The following DPP10 variants were observed in gnomAD, a reference collection of about 807,000 sequenced individuals.
The protein encoded by DPP10 is dipeptidyl peptidase like 10, also known as inactive dipeptidyl peptidase 10.
A neutral mutation model predicts 120.9 loss-of-function variants in DPP10; 33 were observed. That is an observed-to-expected ratio of 0.27 (90% CI 0.21 to 0.37). The LOEUF (loss-of-function observed/expected upper bound fraction) is 0.37. Among genes scored for constraint, DPP10 ranks in the 10% least tolerant of loss-of-function variants. DPP10 has a pLI of 1.00. For missense variants in DPP10, 816 were observed against 942.8 expected (o/e 0.87, Z 1.76); for synonymous variants, 337 against 326.1 (o/e 1.03, Z -0.36).
chr2:115,515,108 G>A (rs1014148628), intron 4 of DPP10, among the ~76,000 whole-genome samples: 9 of 151,764 alleles, frequency 5.9e-5, no homozygotes, highest in Admixed American at 1.3e-4. Context: ...TTGTGTAATA[G>A]CACCATAAAG....
intron 2 of DPP10, among the ~76,000 whole-genome samples, chr2:115,337,557 A>G (rs145168195): frequency 4.7e-5 from 7 of 150,436 alleles, no homozygotes; most frequent in African/African-American, 1.7e-4. Flanking sequence ...TGAAATGAGG[A>G]TACTAATACC....
intron 1 of DPP10, among the ~76,000 whole-genome samples, chr2:115,000,010 C>G (rs974282633): frequency 2.8e-5 from 1 of 35,474 alleles, no homozygotes; most frequent in African/African-American, 8.0e-5. Flanking sequence ...TTAATTCAAC[C>G]AATTAGTTTT....
intron 1 of DPP10, among the ~76,000 whole-genome samples, chr2:114,753,199 G>T (rs1345184391): frequency 6.6e-6 from 1 of 152,152 alleles, no homozygotes; most frequent in African/African-American, 2.4e-5. Flanking sequence ...GGATGAGCTA[G>T]GCTAATGGAT....
chr2:115,546,771 C>G lies in DPP10; in HGVS notation c.441+20799C>G, dbSNP rs114664897. Among the ~76,000 whole-genome samples the G allele has an allele frequency of 5.1e-3, 778 of 152,164 alleles. 7 individuals carry two copies. Among genetic ancestry groups the G allele is most frequent in the African/African-American group, 0.018 (739 of 41,544 alleles). On this transcript the variant is annotated intron_variant, in intron 5 of 25. Transcript: ENST00000410059. Reference sequence around the variant, plus strand: ...AGGTGTAAATTCTGGGAAGACTCATCAAAGTTGGATGATATGGTGGACAGC... The same window carrying G: ...AGGTGTAAATTCTGGGAAGACTCATGAAAGTTGGATGATATGGTGGACAGC...
intron 1 of DPP10, among the ~76,000 whole-genome samples, chr2:114,629,851 A>T (rs894874918): frequency 1.3e-5 from 2 of 151,960 alleles, no homozygotes; most frequent in African/African-American, 2.4e-5. Flanking sequence ...TATTCAAAAT[A>T]AAAAAAACCC....
intron 4 of DPP10, among the ~76,000 whole-genome samples, chr2:115,511,733 T>TCTTC (rs1257421752): frequency 4.2e-5 from 6 of 142,802 alleles, no homozygotes; most frequent in African/African-American, 1.3e-4. Context: ...TTCTTCTTCT[T>TCTTC]TTTTTTTTTT....
intron 19 of DPP10, among the ~76,000 whole-genome samples, chr2:115,798,854 G>A (rs115548128): frequency 0.014 from 2,074 of 152,030 alleles, 52 homozygotes; most frequent in African/African-American, 0.045. Flanking sequence ...TCTTATAGCC[G>A]TTTTTTCTCA....
In DPP10 at chr2:115,343,920, T is replaced by C; in HGVS notation, c.271+8T>C. 4.4e-6 allele frequency: 7 copies of C among 1,585,900 alleles called. No individual in the cohort carries two copies. Among genetic ancestry groups the C allele is most frequent in the Non-Finnish European group, 6.0e-6 (7 of 1,165,980 alleles). ...AGGCTCGGTGGATCAATGGTAAGTG[T>C]ATACCTTTTTAAACATTGTATTCAT... On this transcript the variant is annotated splice_region_variant and intron_variant, in intron 3 of 25. Coordinates refer to ENST00000410059, the MANE Select transcript of DPP10 (RefSeq NM_020868.6).
chr2:115,256,389 G>A (rs2105714800), intron 1 of DPP10, among the ~76,000 whole-genome samples: 1 of 152,314 alleles, frequency 6.6e-6, no homozygotes, highest in Middle Eastern at 3.4e-3. Flanking sequence ...TGAGATTTGA[G>A]TGGAGAGAGC....
chr2:115,516,701 T>C (rs2077522879), intron 4 of DPP10, among the ~76,000 whole-genome samples: 1 of 151,838 alleles, frequency 6.6e-6, no homozygotes, highest in Admixed American at 6.6e-5. Flanking sequence ...GATGGAGATA[T>C]TTTAGCATAC....
At chr2:115,839,751 C>T (rs1032956508) in intron 24 of DPP10, among the ~76,000 whole-genome samples, 1 of 151,826 alleles carries the variant, frequency 6.6e-6, no homozygotes, top group Admixed American at 6.6e-5. Flanking sequence ...AATGAACACC[C>T]TAGACAGAAT....
At chr2:114,494,117 A>AAAAAC (rs1682272649) in intron 1 of DPP10, among the ~76,000 whole-genome samples, 2 of 150,852 alleles carry the variant, frequency 1.3e-5, no homozygotes. Context: ...AAAAAAAAAA[A>AAAAAC]AAAACCCAGC....
At chr2:114,852,125 T>G (rs919209478) in intron 1 of DPP10, among the ~76,000 whole-genome samples, 5 of 144,982 alleles carry the variant, frequency 3.4e-5, no homozygotes, top group African/African-American at 1.3e-4. Context: ...TATTATTTTT[T>G]GGGAAATTTT....
chr2:114,726,331 G>T (rs947530084), intron 1 of DPP10, among the ~76,000 whole-genome samples: 7 of 151,486 alleles, frequency 4.6e-5, no homozygotes, highest in Non-Finnish European at 8.8e-5. Context: ...TCCTCAAATT[G>T]ATGTCCAGTG....
chr2:115,582,450 G>C (rs2082053505), intron 5 of DPP10, among the ~76,000 whole-genome samples: 2 of 152,178 alleles, frequency 1.3e-5, no homozygotes, highest in South Asian at 4.1e-4. Flanking sequence ...TCTATTGGGA[G>C]ACTGCCTTTC....
intron 24 of DPP10, 93 bp downstream of exon 24, chr2:115,836,839 C>G: frequency 8.6e-7 from 1 of 1,158,476 alleles, no homozygotes; most frequent in Non-Finnish European, 1.2e-6. Flanking sequence ...CCCTGTAAAC[C>G]TTCTGAAGAA....
At position 115,836,159 on chromosome 2, in the gene DPP10, T is replaced by C; in HGVS notation, c.1953T>C (p.Gly651=). ...ATATATATATTTTTCCCCCCCAGGG[T>C]TATGGTGGCTATATTGCATCAATGA... ...DSKRLSIFGK[G]YGGYIASMIL... is the part of the protein sequence containing the mutation. The change falls in exon 22 of 26, where the codon GGT becomes GGC. Residue 651 remains glycine, a splice_region_variant and synonymous_variant. Transcript: ENST00000410059. 6.4e-7 allele frequency: 1 copy of C among 1,571,040 alleles called. No homozygotes were observed. The highest frequency in any genetic ancestry group is 8.6e-7 in the Non-Finnish European group (1 of 1,160,542).
chr2:115,602,893 T>C (rs4313992), intron 5 of DPP10, among the ~76,000 whole-genome samples: 150,489 of 152,282 alleles, frequency 0.99, 74,386 homozygotes, highest in East Asian at 1. Flanking sequence ...CTCTTAATTC[T>C]TTGAAATAAT....
At chr2:115,706,276 G>A (rs2092101196) in intron 7 of DPP10, among the ~76,000 whole-genome samples, 1 of 151,814 alleles carries the variant, frequency 6.6e-6, no homozygotes, top group Admixed American at 6.6e-5. Flanking sequence ...TTCATATTTA[G>A]GCAATATTTT....
Sources: allele counts gnomAD v4.1 joint callset (sites outside exome capture counted in the v4.1 genomes callset), GRCh38; gene constraint gnomAD v4.1.1; transcripts MANE v1.5; gene names NCBI Gene and HGNC (gene_info 2026-07-23, HGNC 2026-07-21).